Variants in QTMAN observed in about 807,000 individuals in gnomAD.
QTMAN encodes queuosine-tRNA mannosyltransferase.
At chr2:144,219,771 G>A in the QTMAN span, among the ~76,000 whole-genome samples, 2 of 152,074 alleles carry the variant, frequency 1.3e-5, no homozygotes, top group South Asian at 2.1e-4. Flanking sequence ...GCAGTGAGCC[G>A]AAATCATGCC....
At chr2:144,132,641 A>G in the QTMAN span, among the ~76,000 whole-genome samples, 1 of 152,066 alleles carries the variant, frequency 6.6e-6, no homozygotes, top group Admixed American at 6.6e-5. Flanking sequence ...GGTTGGTAGA[A>G]TATAAGACAG....
At chr2:144,257,851 T>A in the QTMAN span, among the ~76,000 whole-genome samples, 1 of 151,954 alleles carries the variant, frequency 6.6e-6, no homozygotes, top group East Asian at 1.9e-4. Flanking sequence ...AATGGCAGAT[T>A]AAGAAAAAAA....
the QTMAN span, among the ~76,000 whole-genome samples, chr2:144,084,067 A>G: frequency 6.6e-6 from 1 of 152,256 alleles, no homozygotes; most frequent in Non-Finnish European, 1.5e-5. Flanking sequence ...AAAATAGAGC[A>G]GCGGGAAATT....
At chr2:144,119,665 T>C in the QTMAN span, among the ~76,000 whole-genome samples, 1 of 152,212 alleles carries the variant, frequency 6.6e-6, no homozygotes, top group Non-Finnish European at 1.5e-5. Flanking sequence ...ATTTCTACAC[T>C]TTGGATTTTC....
chr2:144,169,114 TTA>T, the QTMAN span, among the ~76,000 whole-genome samples: 4 of 152,086 alleles, frequency 2.6e-5, no homozygotes, highest in African/African-American at 7.2e-5. Context: ...TCTTAGAACT[TTA>T]GTTTTCAATG....
chr2:144,043,967 C>A, the QTMAN span, among the ~76,000 whole-genome samples: 1 of 152,102 alleles, frequency 6.6e-6, no homozygotes, highest in African/African-American at 2.4e-5. Context: ...GTGGTATTTG[C>A]TAAATTGGAG....
chr2:144,332,135 G>C, the QTMAN span, among the ~76,000 whole-genome samples: 1 of 151,884 alleles, frequency 6.6e-6, no homozygotes, highest in Non-Finnish European at 1.5e-5. Context: ...CCAAAAAAAC[G>C]CAATTCGAAC....
the QTMAN span, chr2:144,230,154 TTTA>T: frequency 6.6e-6 from 1 of 152,106 alleles, no homozygotes; most frequent in Non-Finnish European, 1.5e-5. Context: ...CAGGCTCACT[TTTA>T]TTTGGTTATC....
At chr2:144,173,057 T>C in the QTMAN span, among the ~76,000 whole-genome samples, 2 of 152,210 alleles carry the variant, frequency 1.3e-5, no homozygotes, top group Non-Finnish European at 1.5e-5. Context: ...GCTTTTTTCT[T>C]TCAGCGTTTT....
At chr2:143,992,437 C>G in the QTMAN span, among the ~76,000 whole-genome samples, 1 of 148,052 alleles carries the variant, frequency 6.8e-6, no homozygotes, top group African/African-American at 2.5e-5. Context: ...AACCAGAGAC[C>G]TTTGTTCACT....
At chr2:144,255,389 C>G in the QTMAN span, among the ~76,000 whole-genome samples, 1 of 152,096 alleles carries the variant, frequency 6.6e-6, no homozygotes, top group African/African-American at 2.4e-5. Flanking sequence ...TTGCTTGGCA[C>G]TTCTCTCTTT....
At chr2:144,162,773 A>C in the QTMAN span, among the ~76,000 whole-genome samples, 1 of 152,174 alleles carries the variant, frequency 6.6e-6, no homozygotes, top group African/African-American at 2.4e-5. Flanking sequence ...GGATAAAACT[A>C]TAAGTCACAT....
the QTMAN span, among the ~76,000 whole-genome samples, chr2:144,307,159 T>TAAA: frequency 5.4e-4 from 22 of 40,450 alleles, no homozygotes; most frequent in Non-Finnish European, 6.3e-4. Flanking sequence ...GACTCCGTCT[T>TAAA]AAAAAAAAAA....
chr2:143,951,673 A>T, the QTMAN span, among the ~76,000 whole-genome samples: 6 of 151,528 alleles, frequency 4.0e-5, no homozygotes, highest in African/African-American at 1.2e-4. Flanking sequence ...TTCCTTTTAA[A>T]CTAATGAGTT....
the QTMAN span, chr2:144,141,811 G>C: frequency 8.5e-7 from 1 of 1,175,580 alleles, no homozygotes; most frequent in Non-Finnish European, 1.2e-6. Flanking sequence ...CTGGCATGAA[G>C]AACATCAATT....
chr2:144,299,328 C>A, the QTMAN span, among the ~76,000 whole-genome samples: 5 of 152,072 alleles, frequency 3.3e-5, no homozygotes, highest in Non-Finnish European at 4.4e-5. Flanking sequence ...TAAAGGGATT[C>A]AAATGTCACA....
the QTMAN span, among the ~76,000 whole-genome samples, chr2:144,159,858 A>G: frequency 6.6e-6 from 1 of 152,122 alleles, no homozygotes; most frequent in Non-Finnish European, 1.5e-5. Flanking sequence ...TTAAGTATAT[A>G]TTGTAGAGGA....
At chr2:144,157,241 G>A in the QTMAN span, among the ~76,000 whole-genome samples, 1 of 152,028 alleles carries the variant, frequency 6.6e-6, no homozygotes, top group Non-Finnish European at 1.5e-5. Flanking sequence ...TAAATATGCA[G>A]TAGAGACTAA....
At chr2:144,323,268 C>T in the QTMAN span, among the ~76,000 whole-genome samples, 3 of 152,172 alleles carry the variant, frequency 2.0e-5, no homozygotes, top group African/African-American at 7.2e-5. Context: ...AGCAGAAATG[C>T]TTTTTGCACA....
Sources: allele counts gnomAD v4.1 joint callset (sites outside exome capture counted in the v4.1 genomes callset), GRCh38; gene constraint gnomAD v4.1.1; transcripts MANE v1.5; gene names NCBI Gene and HGNC (gene_info 2026-07-23, HGNC 2026-07-21).